Variants in SMARCAD1 observed in about 807,000 individuals in gnomAD.
SMARCAD1 encodes SWI/SNF-related matrix-associated actin-dependent regulator of chromatin subfamily A containing DEAD/H box 1.
Under a neutral mutation model 127.1 loss-of-function variants are expected in SMARCAD1, and 25 were observed. The observed-to-expected ratio is 0.20, with a 90% CI of 0.14 to 0.27. The LOEUF is 0.27. Among genes scored for constraint, SMARCAD1 ranks in the 10% least tolerant of loss-of-function variants. SMARCAD1 has a pLI of 1.00. For synonymous variants in SMARCAD1, 400 were observed against 396.9 expected (o/e 1.01, Z -0.09); for missense variants, 807 against 1,206.0 (o/e 0.67, Z 4.90).
rs78811245 is a variant in SMARCAD1 at position 94,237,711 on chromosome 4, T to C, written c.604+693T>C. Among the ~76,000 whole-genome samples the C allele has an allele frequency of 9.8e-3, 1,495 of 152,188 alleles. 17 individuals are homozygous for C. The highest frequency in any genetic ancestry group is 0.071 in the East Asian group (370 of 5,178). Reference sequence around the variant, plus strand: ...GGTTTACATCTTTTAAAAAATCATATAATAATTTGTCATGGATAGCTTCAC... The same window carrying C: ...GGTTTACATCTTTTAAAAAATCATACAATAATTTGTCATGGATAGCTTCAC... On this transcript the variant is annotated intron_variant, in intron 5 of 23. Coordinates refer to ENST00000354268, the MANE Select transcript of SMARCAD1 (RefSeq NM_020159.5).
intron 9 of SMARCAD1, among the ~76,000 whole-genome samples, chr4:94,257,282 A>G (rs1239639746): frequency 1.3e-5 from 2 of 152,188 alleles, no homozygotes; most frequent in African/African-American, 2.4e-5. Context: ...TGAAAAAGTA[A>G]AGTTTACCCC....
chr4:94,216,879 GC>G (rs2125804155), intron 2 of SMARCAD1, among the ~76,000 whole-genome samples: 1 of 152,290 alleles, frequency 6.6e-6, no homozygotes, highest in East Asian at 1.9e-4. Context: ...GAATTGTATT[GC>G]AGTAAACATG....
chr4:94,234,498 G>C (rs1336661421), intron 4 of SMARCAD1, among the ~76,000 whole-genome samples: 5 of 152,110 alleles, frequency 3.3e-5, no homozygotes, highest in African/African-American at 1.2e-4. Context: ...TGAAGCCAGC[G>C]ATGCTAAACA....
intron 2 of SMARCAD1, among the ~76,000 whole-genome samples, chr4:94,216,029 A>G (rs1048015301): frequency 9.2e-5 from 14 of 152,166 alleles, no homozygotes; most frequent in African/African-American, 3.4e-4. Flanking sequence ...ACTCTTGGCA[A>G]TTCTGGAGGC....
At chr4:94,251,651 A>T (rs1385263319) in intron 8 of SMARCAD1, among the ~76,000 whole-genome samples, 1 of 152,164 alleles carries the variant, frequency 6.6e-6, no homozygotes, top group East Asian at 1.9e-4. Flanking sequence ...AAGGTATGAT[A>T]ATCTGTGTAA....
At chr4:94,270,554 C>G in intron 10 of SMARCAD1, 174 bp from the exon 11 acceptor site, 1 of 566,982 alleles carries the variant, frequency 1.8e-6, no homozygotes, top group East Asian at 3.2e-5. Flanking sequence ...TTGAGAAGAT[C>G]TGAAAAATCA....
chr4:94,279,511 A>G (rs1213726177), intron 19 of SMARCAD1, among the ~76,000 whole-genome samples: 4 of 152,354 alleles, frequency 2.6e-5, no homozygotes, highest in Admixed American at 2.0e-4. Context: ...CTGATAACCT[A>G]CATTATAAGT....
chr4:94,219,813 A>C (rs1743811171), intron 2 of SMARCAD1, among the ~76,000 whole-genome samples: 1 of 152,204 alleles, frequency 6.6e-6, no homozygotes. Context: ...TTACTCATGA[A>C]CATGGCTACT....
intron 9 of SMARCAD1, among the ~76,000 whole-genome samples, chr4:94,263,132 TA>T (rs1346183056): frequency 6.6e-6 from 1 of 152,086 alleles, no homozygotes; most frequent in Non-Finnish European, 1.5e-5. Context: ...AGTTACTGAA[TA>T]AAAGGTATCT....
intron 2 of SMARCAD1, among the ~76,000 whole-genome samples, chr4:94,215,263 G>T (rs143860571): frequency 3.3e-5 from 5 of 152,156 alleles, no homozygotes; most frequent in African/African-American, 1.2e-4. Context: ...GTGCTGAATT[G>T]TTGTAACAGA....
intron 6 of SMARCAD1, among the ~76,000 whole-genome samples, chr4:94,242,480 C>T (rs967421517): frequency 1.3e-5 from 2 of 152,162 alleles, no homozygotes; most frequent in Non-Finnish European, 2.9e-5. Context: ...CTGGCCATCT[C>T]TTGGTACACA....
At chr4:94,243,231 G>A (rs1747872648) in intron 6 of SMARCAD1, among the ~76,000 whole-genome samples, 1 of 152,206 alleles carries the variant, frequency 6.6e-6, no homozygotes, top group Non-Finnish European at 1.5e-5. Context: ...CAGCCACTGT[G>A]CCCAACCTAT....
chr4:94,284,556 C>T (rs1754643853), intron 22 of SMARCAD1, among the ~76,000 whole-genome samples: 1 of 148,096 alleles, frequency 6.8e-6, no homozygotes. Flanking sequence ...TGCCACCACA[C>T]CCAGCTAATT....
At chr4:94,249,475 AT>A (rs1405027682) in intron 6 of SMARCAD1, among the ~76,000 whole-genome samples, 178 bp from the exon 7 acceptor site, 2 of 152,008 alleles carry the variant, frequency 1.3e-5, no homozygotes, top group Non-Finnish European at 2.9e-5. Context: ...AGTCAGCAAT[AT>A]TTTTCATCCT....
intron 9 of SMARCAD1, chr4:94,253,330 G>A (rs943344800): frequency 9.7e-6 from 13 of 1,334,426 alleles, no homozygotes; most frequent in Middle Eastern, 2.0e-4. Context: ...GGAGTTGTTT[G>A]CTAGCCTGTT....
rs1383939757 is a variant in SMARCAD1, at chr4:94,289,647, C to A, written c.*113C>A. 1.9e-6 allele frequency: 2 copies of A among 1,036,028 alleles called. No individual in the cohort carries two copies. The highest frequency in any genetic ancestry group is 1.6e-5 in the African/African-American group (1 of 63,528). 64.2% of individuals were successfully genotyped at this position (1,036,028 alleles called of 1,614,324 possible). A position where few individuals can be genotyped will look rare whatever the true frequency, so the allele number is the denominator to read the frequency against. On this transcript the variant is annotated 3_prime_UTR_variant, in exon 24 of 24. Coordinates refer to ENST00000354268, the MANE Select transcript of SMARCAD1 (RefSeq NM_020159.5). Reference sequence around the variant, plus strand: ...GAACATTTATAACTTTTTATAATTTCCATATTACATTTCTCATAGTATGGA... The same window carrying A: ...GAACATTTATAACTTTTTATAATTTACATATTACATTTCTCATAGTATGGA...
At chr4:94,278,899 A>T (rs547373397) in intron 18 of SMARCAD1, 30 bp from the exon 19 acceptor site, 1 of 1,612,670 alleles carries the variant, frequency 6.2e-7, no homozygotes, top group Non-Finnish European at 8.5e-7. Context: ...GCTTGGTTTT[A>T]TTTTTTACTG....
At chr4:94,241,835 G>T (rs1470190432) in intron 6 of SMARCAD1, among the ~76,000 whole-genome samples, 1 of 152,080 alleles carries the variant, frequency 6.6e-6, no homozygotes, top group East Asian at 1.9e-4. Flanking sequence ...ACAGACTCAA[G>T]CCCAGTTGCC....
In SMARCAD1 at chr4:94,242,758, A is replaced by AAT. The variant is rs1553916481; in HGVS notation, c.705+1752_705+1753insAT. Reference sequence around the variant, plus strand: ...TGTCTCTGCAAAAAAAAAAAAAAAAATTTTTTTAATTAGCTGGGCATGCTT... The same window carrying AAT: ...TGTCTCTGCAAAAAAAAAAAAAAAAAATTTTTTTTAATTAGCTGGGCATGCTT... On this transcript the variant is annotated intron_variant, in intron 6 of 23. Coordinates refer to ENST00000354268, the MANE Select transcript of SMARCAD1 (RefSeq NM_020159.5). Among the ~76,000 whole-genome samples, 404 of 150,378 alleles carry AAT rather than the reference A, an allele frequency of 2.7e-3. 3 individuals carry two copies. The highest frequency in any genetic ancestry group is 8.6e-3 in the African/African-American group (349 of 40,812).
Sources: gnomAD v4.1 joint callset for allele counts (sites outside exome capture counted in the v4.1 genomes callset) on GRCh38, gnomAD v4.1.1 for gene constraint, MANE v1.5 for transcripts, NCBI Gene and HGNC (gene_info 2026-07-23, HGNC 2026-07-21) for gene names.